Variants in CNTN6 observed in about 807,000 individuals in gnomAD.
CNTN6 encodes the protein contactin 6, also known as contactin-6.
A neutral mutation model predicts 122.8 loss-of-function variants in CNTN6; 137 were observed. The ratio of observed to expected loss-of-function variants is 1.12; its 90% CI spans 0.97 to 1.29. The LOEUF is 1.29. Among genes scored for constraint, CNTN6 ranks in the 50% most tolerant of loss-of-function variants. The probability of loss-of-function intolerance (pLI) is 0.00; values close to 1 mark genes in which losing one functional copy is unlikely to be tolerated. For synonymous variants in CNTN6, 570 were observed against 426.0 expected (o/e 1.34, Z -4.16); for missense variants, 1,634 against 1,223.4 (o/e 1.34, Z -5.01).
intron 5 of CNTN6, among the ~76,000 whole-genome samples, chr3:1,280,300 ATGTGGATCTTTTAG>A (rs1233634660): frequency 2.0e-5 from 3 of 152,112 alleles, no homozygotes; most frequent in Non-Finnish European, 4.4e-5. Flanking sequence ...ATTAAAGGAT[ATGTGGATCTTTTAG>A]TGTGTGAGGC....
intron 2 of CNTN6, among the ~76,000 whole-genome samples, chr3:1,193,518 T>C (rs2093731755): frequency 6.6e-6 from 1 of 152,166 alleles, no homozygotes; most frequent in African/African-American, 2.4e-5. Context: ...AATGCTTACG[T>C]GATAACTACC....
rs75931651 is a variant in CNTN6 at position 1,185,744 on chromosome 3, A to G, written c.56-34943A>G. Among the ~76,000 whole-genome samples, 11 of 152,266 alleles carry G rather than the reference A, an allele frequency of 7.2e-5. No homozygotes were observed. The East Asian group carries it at 1.7e-3, about 24-fold the overall frequency. On this transcript the variant is annotated intron_variant, in intron 2 of 22. Transcript: ENST00000446702. ...CAAATCCTTGCTGTGCCCCTCTGTA[A>G]GCTTGAATAAATTATTTAATCCCTG... is the stretch of plus-strand genomic sequence containing the variant.
chr3:1,171,717 C>A (rs972564325), intron 2 of CNTN6, among the ~76,000 whole-genome samples: 3 of 152,094 alleles, frequency 2.0e-5, no homozygotes, highest in Non-Finnish European at 2.9e-5. Flanking sequence ...AGTGAGCTTC[C>A]CACCTCAGCC....
At chr3:1,220,937 G>A (rs893452060) in intron 3 of CNTN6, 124 bp downstream of exon 3, 13 of 1,010,118 alleles carry the variant, frequency 1.3e-5, no homozygotes, top group African/African-American at 6.6e-5. Context: ...ATTTCTCTAC[G>A]GGTATGCAGC....
At chr3:1,250,185 G>T (rs932492033) in intron 4 of CNTN6, among the ~76,000 whole-genome samples, 13 of 152,138 alleles carry the variant, frequency 8.5e-5, no homozygotes, top group African/African-American at 3.1e-4. Context: ...TCCTGAGCTT[G>T]CTTAAATTTT....
intron 12 of CNTN6, among the ~76,000 whole-genome samples, chr3:1,354,426 G>A (rs1399861174): frequency 1.1e-4 from 16 of 147,552 alleles, no homozygotes; most frequent in South Asian, 1.1e-3. Flanking sequence ...AGTGCTCTTT[G>A]CTGAGGTTGT....
intron 3 of CNTN6, among the ~76,000 whole-genome samples, chr3:1,224,509 T>C (rs1421079518): frequency 2.0e-5 from 3 of 152,150 alleles, no homozygotes; most frequent in African/African-American, 7.2e-5. Flanking sequence ...TGCATACATG[T>C]ATGAAAACAT....
chr3:1,347,510 C>G (rs1169599959), intron 11 of CNTN6, among the ~76,000 whole-genome samples: 1 of 152,002 alleles, frequency 6.6e-6, no homozygotes, highest in Non-Finnish European at 1.5e-5. Flanking sequence ...TTTGGTGATG[C>G]CAAAACCAAG....
intron 11 of CNTN6, among the ~76,000 whole-genome samples, chr3:1,346,511 C>T (rs78546616): frequency 0.014 from 2,189 of 152,168 alleles, 58 homozygotes; most frequent in African/African-American, 0.05. Context: ...CTTCCTCAGT[C>T]TCTCTCTCTT....
At chr3:1,336,914 A>G (rs1703160024) in intron 11 of CNTN6, among the ~76,000 whole-genome samples, 1 of 152,074 alleles carries the variant, frequency 6.6e-6, no homozygotes, top group African/African-American at 2.4e-5. Flanking sequence ...GGAAAGTGGA[A>G]GAAGGAAGCC....
chr3:1,312,426 T>C (rs562024990), intron 7 of CNTN6, among the ~76,000 whole-genome samples: 6 of 152,122 alleles, frequency 3.9e-5, no homozygotes, highest in South Asian at 2.1e-4. Context: ...TTTTAAGTAA[T>C]TGGCAGTTTA....
intron 4 of CNTN6, among the ~76,000 whole-genome samples, chr3:1,265,188 C>CT (rs2094908894): frequency 6.6e-6 from 1 of 151,674 alleles, no homozygotes; most frequent in South Asian, 2.1e-4. Context: ...ATCTCTTTGG[C>CT]ATACTGATTT....
chr3:1,215,228 G>C (rs1165983723), intron 2 of CNTN6, among the ~76,000 whole-genome samples: 2 of 152,096 alleles, frequency 1.3e-5, no homozygotes, highest in Non-Finnish European at 2.9e-5. Context: ...TTTCTTAATG[G>C]TATTTACTGA....
At chr3:1,319,796 C>A (rs963511611) in intron 7 of CNTN6, among the ~76,000 whole-genome samples, 1 of 138,392 alleles carries the variant, frequency 7.2e-6, no homozygotes, top group Non-Finnish European at 1.6e-5. Flanking sequence ...ATGCTCATTG[C>A]AGGAAAATAA....
intron 12 of CNTN6, among the ~76,000 whole-genome samples, chr3:1,358,944 C>A (rs992806547): frequency 2.6e-5 from 4 of 151,904 alleles, no homozygotes; most frequent in Admixed American, 1.3e-4. Flanking sequence ...CCTGTTGTCC[C>A]AGCTACTTGG....
intron 5 of CNTN6, among the ~76,000 whole-genome samples, chr3:1,283,714 T>C (rs892695201): frequency 2.0e-5 from 3 of 152,276 alleles, no homozygotes; most frequent in Non-Finnish European, 1.5e-5. Flanking sequence ...GATATGAAAC[T>C]CTCGGCGGGG....
At chr3:1,251,914 A>T (rs77403815) in intron 4 of CNTN6, among the ~76,000 whole-genome samples, 3,179 of 152,202 alleles carry the variant, frequency 0.021, 45 homozygotes, top group Non-Finnish European at 0.031. Context: ...CTGAGCCAGG[A>T]TGGACTTTGG....
chr3:1,375,153 CT>C (rs1279618807), intron 16 of CNTN6, among the ~76,000 whole-genome samples: 6 of 152,038 alleles, frequency 3.9e-5, no homozygotes, highest in African/African-American at 1.2e-4. Flanking sequence ...TATATACCCC[CT>C]GGATCAGAAT....
intron 2 of CNTN6, among the ~76,000 whole-genome samples, chr3:1,171,524 C>T (rs542939836): frequency 3.3e-5 from 5 of 152,082 alleles, no homozygotes; most frequent in Non-Finnish European, 5.9e-5. Context: ...CCACTTGTGC[C>T]ACCAACCCCC....
Sources: allele counts gnomAD v4.1 joint callset (sites outside exome capture counted in the v4.1 genomes callset), GRCh38; gene constraint gnomAD v4.1.1; transcripts MANE v1.5; gene names NCBI Gene and HGNC (gene_info 2026-07-23, HGNC 2026-07-21).